GALNT18: variants seen among roughly 807,000 people sequenced by gnomAD.
GALNT18 encodes the protein GalNAc-transferase 18.
GALNT18 carries 44 observed loss-of-function variants against 69.5 expected under a neutral mutation model. The ratio of observed to expected loss-of-function variants is 0.63; its 90% CI spans 0.50 to 0.81. GALNT18 has a LOEUF of 0.81. Ranked by LOEUF, GALNT18 falls within the 40% of genes least tolerant of loss-of-function variation. The pLI is 0.00. For missense variants in GALNT18, 715 were observed against 810.0 expected (o/e 0.88, Z 1.42); for synonymous variants, 364 against 318.2 (o/e 1.14, Z -1.53).
intron 1 of GALNT18, among the ~76,000 whole-genome samples, chr11:11,460,344 T>C (rs1432268885): frequency 6.6e-6 from 1 of 152,166 alleles, no homozygotes; most frequent in Non-Finnish European, 1.5e-5. Flanking sequence ...AGGGTTATAG[T>C]GAGGCAAAAT....
rs1372496678 is a variant in GALNT18, at chr11:11,421,095, C to G, written c.595+11526G>C. 6.6e-6 allele frequency among the ~76,000 whole-genome samples: 1 copy of G among 152,140 alleles called. No individual in the cohort carries two copies. Among genetic ancestry groups the G allele is most frequent in the Non-Finnish European group, 1.5e-5 (1 of 68,022 alleles). On this transcript the variant is annotated intron_variant, in intron 3 of 10. Coordinates refer to ENST00000227756, the MANE Select transcript of GALNT18 (RefSeq NM_198516.3). The surrounding 1 kb of genome is among the most constrained non-coding windows in gnomAD (Gnocchi z 5.6). The stretch of plus-strand genomic sequence containing the variant: ...GTGCTGTCCTTCGTCAGCAGGGTAG[C>G]ATGCTGGGGAGTTCCTGATTCTCTA...
At chr11:11,285,720 A>C (rs1849180000) in intron 10 of GALNT18, among the ~76,000 whole-genome samples, 1 of 152,220 alleles carries the variant, frequency 6.6e-6, no homozygotes, top group Admixed American at 6.5e-5. Flanking sequence ...TCAAAGTTGG[A>C]CTTGCTGACA....
chr11:11,273,187 C>CA (rs1564872848), intron 10 of GALNT18, among the ~76,000 whole-genome samples: 1 of 149,512 alleles, frequency 6.7e-6, no homozygotes, highest in Non-Finnish European at 1.5e-5. Context: ...GCAACCAAAG[C>CA]AAAAATGGAC....
At position 11,481,501 on chromosome 11, in the gene GALNT18, G is replaced by A. The variant is rs1856529827; in HGVS notation, c.236-32565C>T. ...AATCCTGATGGTGACACTCAGTGTA[G>A]AGCACATGCCTCAGAGCTGACTTTC... is the stretch of plus-strand genomic sequence containing the variant. On this transcript the variant is annotated intron_variant, in intron 1 of 10. Transcript: ENST00000227756. 3.3e-5 allele frequency among the ~76,000 whole-genome samples: 5 copies of A among 152,352 alleles called. No individual in the cohort carries two copies. The South Asian group carries it at 1.0e-3, about 32-fold the overall frequency.
rs997114135 is a variant in GALNT18, at chr11:11,590,577, T to G, written c.235+30782A>C. Among the ~76,000 whole-genome samples, 1 of 152,228 alleles carries G rather than the reference T, an allele frequency of 6.6e-6. No homozygotes were observed. Among genetic ancestry groups the G allele is most frequent in the African/African-American group, 2.4e-5 (1 of 41,454 alleles). On this transcript the variant is annotated intron_variant, in intron 1 of 10. Transcript: ENST00000227756. This position sits in a 1 kb window ranked among gnomAD's most constrained non-coding sequence, Gnocchi z 4.4. ...GTGAGATATCACTCCCAACTTGCTTTTGAATCTGTTTCCTCATTGATAAAA... is the reference window on the plus strand; with the variant it reads ...GTGAGATATCACTCCCAACTTGCTTGTGAATCTGTTTCCTCATTGATAAAA...
chr11:11,560,936 G>A (rs185760823), intron 1 of GALNT18, among the ~76,000 whole-genome samples: 1 of 152,318 alleles, frequency 6.6e-6, no homozygotes, highest in Non-Finnish European at 1.5e-5. Flanking sequence ...GGCTGCCCCA[G>A]GGTCTTGTCC....
intron 2 of GALNT18, among the ~76,000 whole-genome samples, chr11:11,446,470 T>G (rs915129256): frequency 6.6e-6 from 1 of 152,214 alleles, no homozygotes; most frequent in African/African-American, 2.4e-5. Flanking sequence ...TAGAGGGCCC[T>G]ATTCCTGATG....
At position 11,421,422 on chromosome 11, in the gene GALNT18, G is replaced by A. The variant is rs1368534902; in HGVS notation, c.595+11199C>T. Among the ~76,000 whole-genome samples the A allele has an allele frequency of 6.6e-6, 1 of 152,160 alleles. No homozygotes were observed. Among genetic ancestry groups the A allele is most frequent in the Non-Finnish European group, 1.5e-5 (1 of 68,036 alleles). On this transcript the variant is annotated intron_variant, in intron 3 of 10. Transcript: ENST00000227756. This position sits in a 1 kb window ranked among gnomAD's most constrained non-coding sequence, Gnocchi z 5.6. ...GCCCCCATGATGTAGGAAGCCAGGT[G>A]GATCGAACCGTGGAAGCAGAGCCCC...
chr11:11,407,021 T>C (rs575149013), intron 3 of GALNT18, among the ~76,000 whole-genome samples: 4 of 152,262 alleles, frequency 2.6e-5, no homozygotes, highest in African/African-American at 7.2e-5. Flanking sequence ...CAGCTTAGAA[T>C]AGCCTAAGTG....
intron 3 of GALNT18, among the ~76,000 whole-genome samples, chr11:11,422,035 T>C (rs992558068): frequency 1.5e-5 from 2 of 131,226 alleles, no homozygotes; most frequent in African/African-American, 2.5e-5. Context: ...ATATCATCTA[T>C]ATCTATATCA....
In GALNT18 at chr11:11,605,485, T is replaced by G. The variant is rs558799903; in HGVS notation, c.235+15874A>C. Among the ~76,000 whole-genome samples, 1 of 152,320 alleles carries G rather than the reference T, an allele frequency of 6.6e-6. No homozygotes were observed. The highest frequency in any genetic ancestry group is 2.1e-4 in the South Asian group (1 of 4,820). On this transcript the variant is annotated intron_variant, in intron 1 of 10. Transcript: ENST00000227756. This position sits in a 1 kb window ranked among gnomAD's most constrained non-coding sequence, Gnocchi z 4.7. ...AAGACACAGGTGGTGGAGTCCATTC[T>G]GAGGTTCTCACAGACCTCGGGGTGA...
chr11:11,274,721 C>T (rs1271397568), intron 10 of GALNT18, among the ~76,000 whole-genome samples: 2 of 152,180 alleles, frequency 1.3e-5, no homozygotes, highest in Non-Finnish European at 2.9e-5. Flanking sequence ...CCCTGACAAG[C>T]CCCAGTGTGT....
chr11:11,284,168 G>A (rs1374233680), intron 10 of GALNT18, among the ~76,000 whole-genome samples: 1 of 152,224 alleles, frequency 6.6e-6, no homozygotes, highest in African/African-American at 2.4e-5. Flanking sequence ...GGGGCGTGTG[G>A]AAGCCACAGT....
intron 1 of GALNT18, among the ~76,000 whole-genome samples, chr11:11,472,292 G>A (rs898205667): frequency 1.3e-5 from 2 of 152,210 alleles, no homozygotes; most frequent in African/African-American, 2.4e-5. Context: ...GGACAGGTCT[G>A]GGGCTGGAAG....
chr11:11,372,753 G>A lies in GALNT18; in HGVS notation c.978-124C>T, dbSNP rs1850942143. On this transcript the variant is annotated intron_variant, in intron 5 of 10. Transcript: ENST00000227756. This position sits in a 1 kb window ranked among gnomAD's most constrained non-coding sequence, Gnocchi z 4.9. ...TCCTTTGCTGCCAGAGCCAGTGTGA[G>A]CCTTGTTCTTGGAGTGGCCCCTGGG... 1 of 782,006 alleles carries A rather than the reference G, an allele frequency of 1.3e-6. No individual in the cohort carries two copies. Among genetic ancestry groups the A allele is most frequent in the Non-Finnish European group, 2.1e-6 (1 of 472,116 alleles). 48.4% of individuals were successfully genotyped at this position (782,006 alleles called of 1,614,324 possible).
chr11:11,445,865 G>A (rs1046561220), intron 2 of GALNT18, among the ~76,000 whole-genome samples: 1 of 152,136 alleles, frequency 6.6e-6, no homozygotes, highest in South Asian at 2.1e-4. Context: ...CTGTAAGGAC[G>A]ATTGCTCCTC....
chr11:11,575,438 G>C (rs866176174), intron 1 of GALNT18, among the ~76,000 whole-genome samples: 6 of 152,222 alleles, frequency 3.9e-5, no homozygotes, highest in Non-Finnish European at 2.9e-5. Context: ...GACCTCTCAG[G>C]AGGAGAGAGC....
At chr11:11,565,796 G>A (rs1049836735) in intron 1 of GALNT18, among the ~76,000 whole-genome samples, 5 of 152,322 alleles carry the variant, frequency 3.3e-5, no homozygotes, top group African/African-American at 1.2e-4. Context: ...GGTCTTGGGA[G>A]CTTAGACAAC....
In GALNT18 at chr11:11,520,880, C is replaced by G. The variant is rs536201521; in HGVS notation, c.236-71944G>C. ...CATAGGCAGCTGAGGCTTCTGCAGG[C>G]CCTACACCAGCATGTGGGGAAACTA... is the stretch of plus-strand genomic sequence containing the variant. On this transcript the variant is annotated intron_variant, in intron 1 of 10. Coordinates refer to ENST00000227756, the MANE Select transcript of GALNT18 (RefSeq NM_198516.3). Among the ~76,000 whole-genome samples the G allele has an allele frequency of 1.6e-4, 25 of 152,254 alleles. No individual in the cohort carries two copies. The South Asian group carries it at 4.6e-3, about 28-fold the overall frequency.
Sources: gnomAD v4.1 joint callset for allele counts (sites outside exome capture counted in the v4.1 genomes callset) on GRCh38, gnomAD v4.1.1 for gene constraint, Gnocchi (gnomAD v3.1) non-coding constraint, MANE v1.5 for transcripts, NCBI Gene and HGNC (gene_info 2026-07-23, HGNC 2026-07-21) for gene names.